THOP1: variants seen among roughly 807,000 people sequenced by gnomAD.
The protein encoded by THOP1 is thimet oligopeptidase.
In THOP1, 49 loss-of-function variants were observed where a neutral mutation model predicts 71.8. The ratio of observed to expected loss-of-function variants is 0.68; its 90% CI spans 0.54 to 0.87. THOP1 has a LOEUF of 0.87. Among genes scored for constraint, THOP1 ranks in the 40% least tolerant of loss-of-function variants. The pLI is 0.00. For synonymous variants in THOP1, 426 were observed against 421.5 expected, an observed-to-expected ratio of 1.01 and a Z score of -0.13; for missense variants, 843 against 975.6, an observed-to-expected ratio of 0.86 and a Z score of 1.81.
intron 3 of THOP1, among the ~76,000 whole-genome samples, chr19:2,795,618 G>A (rs996257307): frequency 3.9e-5 from 6 of 152,168 alleles, no homozygotes; most frequent in African/African-American, 7.2e-5. Flanking sequence ...GTCTCACAAC[G>A]TTGCCCACGC....
At chr19:2,790,758 C>T in intron 2 of THOP1, 125 bp downstream of exon 2, 1 of 883,508 alleles carries the variant, frequency 1.1e-6, no homozygotes, top group Non-Finnish European at 1.6e-6. Context: ...GCACCCTGCC[C>T]CTGAGCACAG....
rs895935001 is a variant in THOP1, at chr19:2,785,528, G to C, written c.-135G>C. The C allele has an allele frequency of 7.0e-6, 7 of 1,006,170 alleles. No individual in the cohort carries two copies. The highest frequency in any genetic ancestry group is 4.2e-5 in the Admixed American group (1 of 23,620). 62.3% of individuals were successfully genotyped at this position (1,006,170 alleles called of 1,614,324 possible). On this transcript the variant is annotated 5_prime_UTR_variant, in exon 1 of 13. Coordinates refer to ENST00000307741, the MANE Select transcript of THOP1 (RefSeq NM_003249.5). ...AGCATGCCCCGGGAGCGCGGGCGGC[G>C]GGCCCCTTGGTCCTCAGGCGGCCGT...
intron 2 of THOP1, among the ~76,000 whole-genome samples, chr19:2,791,018 C>T (rs547806347): frequency 5.1e-4 from 77 of 152,356 alleles, no homozygotes; most frequent in African/African-American, 1.8e-3. Flanking sequence ...ACCCTGACCC[C>T]GTCTGGCCTC....
rs963102288 is a variant in THOP1, at chr19:2,796,307, G to A, written c.486+119G>A. 1.9e-5 allele frequency: 15 copies of A among 798,484 alleles called. No individual in the cohort carries two copies. The Admixed American group carries it at 2.8e-4, about 15-fold the overall frequency. 49.5% of individuals were successfully genotyped at this position (798,484 alleles called of 1,614,324 possible). On this transcript the variant is annotated intron_variant, in intron 4 of 12. Coordinates refer to ENST00000307741, the MANE Select transcript of THOP1 (RefSeq NM_003249.5). ...GAGCAAGAAGCGCAGGGCAGGGGGA[G>A]TGCTGGGCTCGGGGAGTGCTCGGCT...
rs1916144262 is a variant in THOP1, at chr19:2,801,525, T to C, written c.589+1734T>C. Among the ~76,000 whole-genome samples, 1 of 152,190 alleles carries C rather than the reference T, an allele frequency of 6.6e-6. No homozygotes were observed. The highest frequency in any genetic ancestry group is 2.4e-5 in the African/African-American group (1 of 41,440). Reference sequence around the variant, plus strand: ...GGTGACAGTCTCCAGGGCTGTCCGCTGCTGCTGCCCCGGGACCTGTTTCCC... The same window carrying C: ...GGTGACAGTCTCCAGGGCTGTCCGCCGCTGCTGCCCCGGGACCTGTTTCCC... On this transcript the variant is annotated intron_variant, in intron 5 of 12. Coordinates refer to ENST00000307741, the MANE Select transcript of THOP1 (RefSeq NM_003249.5). The surrounding 1 kb of genome is among the most constrained non-coding windows in gnomAD (Gnocchi z 5.1).
In THOP1 at chr19:2,813,267, G is replaced by C; in HGVS notation, c.2061G>C (p.Gln687His). Residue 687 changes from glutamine to histidine, a missense_variant, in exon 13 of 13, where the codon CAG (glutamine) becomes CAC (histidine). Transcript: ENST00000307741. ...LQVGGCEPEPQVC is the reference protein window; with the variant it reads ...LQVGGCEPEPHVC The stretch of plus-strand genomic sequence containing the variant: ...TCGGGGGCTGCGAGCCCGAGCCGCA[G>C]GTCTGCTGAGGCCTGGCACTGCGAC... 1 of 1,609,436 alleles carries C rather than the reference G, an allele frequency of 6.2e-7. No homozygotes were observed. The highest frequency in any genetic ancestry group is 8.5e-7 in the Non-Finnish European group (1 of 1,178,940).
chr19:2,812,074 C>G (rs577305165), intron 12 of THOP1: 2 of 1,252,950 alleles, frequency 1.6e-6, no homozygotes, highest in African/African-American at 3.1e-5. Flanking sequence ...GTGCTGGGAG[C>G]TCCGTGTCTT....
rs1311531951 is a variant in THOP1 at position 2,810,501 on chromosome 19, C to T, written c.1642+11C>T. On this transcript the variant is annotated intron_variant, in intron 10 of 12. Transcript: ENST00000307741. ...GGCAGGCCAACACAGGTGCACCCGC[C>T]CCGTCCGGGGAAGGGTGCTAACCTC... 6.5e-7 allele frequency: 1 copy of T among 1,547,270 alleles called. No homozygotes were observed. The highest frequency in any genetic ancestry group is 2.0e-5 in the Admixed American group (1 of 50,842).
chr19:2,792,614 CT>C (rs967157639), intron 2 of THOP1, among the ~76,000 whole-genome samples: 4 of 151,242 alleles, frequency 2.6e-5, no homozygotes, highest in Non-Finnish European at 5.9e-5. Context: ...AAAGTATATG[CT>C]TTTTTTTAAA....
Position 2,794,963 on chromosome 19 carries a change from A to G in THOP1, c.378+51A>G, listed in dbSNP as rs372479290. On this transcript the variant is annotated intron_variant, in intron 3 of 12. Coordinates refer to ENST00000307741, the MANE Select transcript of THOP1 (RefSeq NM_003249.5). ...AATAGCCTCCCAAGTAACTAGGATTACAGGCGCCCGCCACCACACCCGGCT... is the reference window on the plus strand; with the variant it reads ...AATAGCCTCCCAAGTAACTAGGATTGCAGGCGCCCGCCACCACACCCGGCT... 159 of 1,577,418 alleles carry G rather than the reference A, an allele frequency of 1.0e-4. No individual in the cohort carries two copies. In the African/African-American group the frequency reaches 1.7e-3, roughly 17 times the overall value.
rs760588898 is a variant in THOP1 at position 2,805,063 on chromosome 19, G to A, written c.637G>A (p.Gly213Ser). ...GAACTCCCTGGAGAAGATGGAGGACGGCAAGTTGAAGGTCACCCTCAAGTA... is the reference window on the plus strand; with the variant it reads ...GAACTCCCTGGAGAAGATGGAGGACAGCAAGTTGAAGGTCACCCTCAAGTA... ...FLNSLEKMEDGKLKVTLKYPH... is the reference protein window; with the variant it reads ...FLNSLEKMEDSKLKVTLKYPH... The change falls in exon 6 of 13, where the codon GGC (glycine) becomes AGC (serine). Residue 213 changes from glycine to serine, a missense_variant. Gly to Ser is a moderately conservative substitution (Grantham distance 56). Coordinates refer to ENST00000307741, the MANE Select transcript of THOP1 (RefSeq NM_003249.5). The surrounding 1 kb of genome is among the most constrained non-coding windows in gnomAD (Gnocchi z 6.6). 84 of 1,612,692 alleles carry A rather than the reference G, an allele frequency of 5.2e-5. No homozygotes were observed. In the Middle Eastern group the frequency reaches 8.2e-4, roughly 16 times the overall value.
At chr19:2,812,306 G>C (rs1489128538) in intron 12 of THOP1, 1 of 1,535,488 alleles carries the variant, frequency 6.5e-7, no homozygotes. Flanking sequence ...CAAGGAACAG[G>C]TGGCTACCAG....
intron 2 of THOP1, among the ~76,000 whole-genome samples, chr19:2,794,505 T>C (rs899606745): frequency 6.6e-6 from 1 of 152,228 alleles, no homozygotes; most frequent in South Asian, 2.1e-4. Flanking sequence ...CTTGGAGGGC[T>C]TTGAGTTGAA....
chr19:2,793,043 C>T (rs377427364), intron 2 of THOP1, among the ~76,000 whole-genome samples: 6 of 151,882 alleles, frequency 4.0e-5, no homozygotes, highest in Non-Finnish European at 8.8e-5. Context: ...GGCGTGGTGG[C>T]GCATGCCTGT....
intron 10 of THOP1, 68 bp downstream of exon 10, chr19:2,810,558 T>C: frequency 1.3e-6 from 2 of 1,524,842 alleles, no homozygotes; most frequent in Non-Finnish European, 1.8e-6. Context: ...GCCTGGCATG[T>C]GCCCCGGGTG....
chr19:2,812,760 C>T (rs115445792), intron 12 of THOP1, among the ~76,000 whole-genome samples: 2,214 of 152,330 alleles, frequency 0.015, 43 homozygotes, highest in African/African-American at 0.05. Context: ...CAAACCTGGG[C>T]CTTTAGGGCG....
chr19:2,786,687 C>T (rs1273918383), intron 1 of THOP1, among the ~76,000 whole-genome samples: 2 of 151,826 alleles, frequency 1.3e-5, no homozygotes, highest in Non-Finnish European at 2.9e-5. Context: ...CCGCAACCTC[C>T]GCCTCCCGGG....
At chr19:2,786,300 C>T (rs1345907231) in intron 1 of THOP1, among the ~76,000 whole-genome samples, 2 of 152,172 alleles carry the variant, frequency 1.3e-5, no homozygotes. Context: ...AGCGGGAGTG[C>T]AGTGGTGCGA....
chr19:2,804,433 G>A lies in THOP1; in HGVS notation c.590-583G>A, dbSNP rs192840633. ...TGGTTGAGCCGTGGGGCTGCGTGCTGAGATCTCAGCTCTGAGCGGGAGGCT... is the reference window on the plus strand; with the variant it reads ...TGGTTGAGCCGTGGGGCTGCGTGCTAAGATCTCAGCTCTGAGCGGGAGGCT... On this transcript the variant is annotated intron_variant, in intron 5 of 12. Transcript: ENST00000307741. This position sits in a 1 kb window ranked among gnomAD's most constrained non-coding sequence, Gnocchi z 4.7. 6.6e-6 allele frequency among the ~76,000 whole-genome samples: 1 copy of A among 152,308 alleles called. No individual in the cohort carries two copies. The highest frequency in any genetic ancestry group is 2.4e-5 in the African/African-American group (1 of 41,570).
Sources: gnomAD v4.1 joint callset for allele counts (sites outside exome capture counted in the v4.1 genomes callset) on GRCh38, gnomAD v4.1.1 for gene constraint, Gnocchi (gnomAD v3.1) non-coding constraint, MANE v1.5 for transcripts, NCBI Gene and HGNC (gene_info 2026-07-23, HGNC 2026-07-21) for gene names.